Variants in SNRNP27 observed in about 807,000 individuals in gnomAD.
The protein encoded by SNRNP27 is small nuclear ribonucleoprotein U4/U6.U5 subunit 27.
Under a neutral mutation model 25.1 loss-of-function variants are expected in SNRNP27, and 22 were observed. The observed-to-expected ratio is 0.88, with a 90% CI of 0.63 to 1.25. The LOEUF (loss-of-function observed/expected upper bound fraction) is 1.25, where lower values mean the gene tolerates loss of function less well. SNRNP27 is among the 50% of genes most tolerant of loss of function. The probability of loss-of-function intolerance (pLI) is 0.00; values close to 1 mark genes in which losing one functional copy is unlikely to be tolerated. For missense variants in SNRNP27, 150 were observed against 202.3 expected, an observed-to-expected ratio of 0.74 and a Z score of 1.57; for synonymous variants, 66 against 64.9, an observed-to-expected ratio of 1.02 and a Z score of -0.08.
rs907992167 is a variant in SNRNP27 at position 69,905,191 on chromosome 2, C to G, written c.*883C>G. The G allele has an allele frequency of 3.9e-5, 6 of 152,098 alleles. No homozygotes were observed. Among genetic ancestry groups the G allele is most frequent in the African/African-American group, 1.4e-4 (6 of 41,418 alleles). 9.4% of individuals were successfully genotyped at this position (152,098 alleles called of 1,614,324 possible). ...ACATTGGCTTGCCTCCCATGACTTGCCATTATAATTAAAACTGTGACTACT... is the reference window on the plus strand; with the variant it reads ...ACATTGGCTTGCCTCCCATGACTTGGCATTATAATTAAAACTGTGACTACT... On this transcript the variant is annotated 3_prime_UTR_variant, in exon 6 of 6. Coordinates refer to ENST00000244227, the MANE Select transcript of SNRNP27 (RefSeq NM_006857.3).
intron 4 of SNRNP27, among the ~76,000 whole-genome samples, chr2:69,900,424 C>G (rs935536225): frequency 1.8e-4 from 27 of 152,100 alleles, no homozygotes; most frequent in African/African-American, 6.5e-4. Flanking sequence ...TGCTTACTTC[C>G]TATTATAGGG....
intron 4 of SNRNP27, 139 bp downstream of exon 4, chr2:69,897,595 G>C: frequency 1.5e-6 from 1 of 670,906 alleles, no homozygotes; most frequent in Non-Finnish European, 2.6e-6. Flanking sequence ...GAATACAAAG[G>C]AGGAAACAGT....
chr2:69,903,312 A>G, intron 5 of SNRNP27, 67 bp downstream of exon 5: 1 of 1,102,428 alleles, frequency 9.1e-7, no homozygotes, highest in East Asian at 2.4e-5. Context: ...CTTTATTATG[A>G]GATAATCATG....
intron 4 of SNRNP27, among the ~76,000 whole-genome samples, chr2:69,900,234 T>C (rs1431431297): frequency 6.6e-6 from 1 of 152,118 alleles, no homozygotes; most frequent in Non-Finnish European, 1.5e-5. Context: ...GGTTTCAAAG[T>C]TTGGTTTTGT....
intron 5 of SNRNP27, among the ~76,000 whole-genome samples, chr2:69,903,568 T>C (rs1466805993): frequency 6.6e-6 from 1 of 152,206 alleles, no homozygotes; most frequent in Non-Finnish European, 1.5e-5. Flanking sequence ...CTAAACTAGA[T>C]TGATTATGTA....
chr2:69,895,087 G>A lies in SNRNP27; in HGVS notation c.35-7G>A. 2 of 1,612,586 alleles carry A rather than the reference G, an allele frequency of 1.2e-6. 1 individual carries two copies. Among genetic ancestry groups the A allele is most frequent in the East Asian group, 4.5e-5 (2 of 44,886 alleles). ...TCAGTTCTGCAATTTGTGTGCGTTTGCATTAGAACGTAGGCGTTCCCGGTC... is the reference window on the plus strand; with the variant it reads ...TCAGTTCTGCAATTTGTGTGCGTTTACATTAGAACGTAGGCGTTCCCGGTC... On this transcript the variant is annotated splice_polypyrimidine_tract_variant and splice_region_variant and intron_variant, in intron 1 of 5. Transcript: ENST00000244227.
intron 3 of SNRNP27, among the ~76,000 whole-genome samples, chr2:69,896,925 C>T (rs76649959): frequency 0.058 from 8,788 of 152,194 alleles, 663 homozygotes; most frequent in African/African-American, 0.17. Context: ...CCTCCCGCCT[C>T]GGCCTCCCAA....
chr2:69,899,788 G>GGTA (rs1031741637), intron 4 of SNRNP27, among the ~76,000 whole-genome samples: 5 of 152,124 alleles, frequency 3.3e-5, no homozygotes, highest in Non-Finnish European at 7.4e-5. Context: ...GGAGTACAGT[G>GGTA]GTATGATCAT....
At chr2:69,903,889 T>A (rs922780763) in intron 5 of SNRNP27, among the ~76,000 whole-genome samples, 1 of 152,184 alleles carries the variant, frequency 6.6e-6, no homozygotes, top group African/African-American at 2.4e-5. Context: ...CAGTGTGCAA[T>A]TGAATTTGCT....
At chr2:69,895,652 C>G (rs1676587759) in intron 2 of SNRNP27, among the ~76,000 whole-genome samples, 1 of 152,126 alleles carries the variant, frequency 6.6e-6, no homozygotes, top group Non-Finnish European at 1.5e-5. Flanking sequence ...TCTGCCTCCC[C>G]TGGTTCAAGC....
intron 4 of SNRNP27, among the ~76,000 whole-genome samples, chr2:69,898,491 T>G (rs934704330): frequency 6.6e-6 from 1 of 152,180 alleles, no homozygotes; most frequent in Non-Finnish European, 1.5e-5. Flanking sequence ...TTTTTTAAAA[T>G]CTCTTTTCTA....
intron 4 of SNRNP27, among the ~76,000 whole-genome samples, chr2:69,900,906 G>GT (rs1676682476): frequency 6.6e-6 from 1 of 152,160 alleles, no homozygotes; most frequent in Non-Finnish European, 1.5e-5. Flanking sequence ...GCTGGGTGCA[G>GT]TGGCTCATGC....
intron 4 of SNRNP27, 59 bp downstream of exon 4, chr2:69,897,515 C>A (rs1676626281): frequency 7.9e-7 from 1 of 1,261,750 alleles, no homozygotes; most frequent in Non-Finnish European, 1.2e-6. Context: ...TCCTATCTTT[C>A]CATGTTCTTT....
intron 5 of SNRNP27, 119 bp from the exon 6 acceptor site, chr2:69,904,135 A>AC (rs1354639705): frequency 8.0e-6 from 5 of 626,554 alleles, no homozygotes; most frequent in Non-Finnish European, 1.4e-5. Flanking sequence ...AATAGTTTCT[A>AC]CCCTAGACTT....
chr2:69,894,312 T>G (rs1165247726), intron 1 of SNRNP27, among the ~76,000 whole-genome samples: 1 of 152,210 alleles, frequency 6.6e-6, no homozygotes, highest in Non-Finnish European at 1.5e-5. Flanking sequence ...CTCAGTTCCT[T>G]TGCTGAATTT....
chr2:69,896,006 T>C (rs1332065717), intron 2 of SNRNP27, among the ~76,000 whole-genome samples: 1 of 150,938 alleles, frequency 6.6e-6, no homozygotes, highest in Non-Finnish European at 1.5e-5. Context: ...AGGGTCTCCC[T>C]GTGTTGCCCA....
At chr2:69,896,301 G>A (rs148624117) in intron 2 of SNRNP27, 135 bp from the exon 3 acceptor site, 29 of 797,308 alleles carry the variant, frequency 3.6e-5, no homozygotes, top group Middle Eastern at 7.8e-4. Flanking sequence ...TCAAGGCCTT[G>A]GCAGAACCTT....
At chr2:69,902,276 CTCCTCCT>C (rs139293386) in intron 4 of SNRNP27, among the ~76,000 whole-genome samples, 29,859 of 149,600 alleles carry the variant, frequency 0.2, 3,080 homozygotes, top group African/African-American at 0.24. Flanking sequence ...CTCCTTCCTC[CTCCTCCT>C]TCCTCCTTCC....
chr2:69,902,031 C>T (rs1055417945), intron 4 of SNRNP27, among the ~76,000 whole-genome samples: 3 of 152,100 alleles, frequency 2.0e-5, no homozygotes, highest in Non-Finnish European at 2.9e-5. Context: ...ATTCTGCTAC[C>T]CTACTTTCTC....
Sources: gnomAD v4.1 joint callset for allele counts (sites outside exome capture counted in the v4.1 genomes callset) on GRCh38, gnomAD v4.1.1 for gene constraint, MANE v1.5 for transcripts, NCBI Gene and HGNC (gene_info 2026-07-23, HGNC 2026-07-21) for gene names.